PDE4A: variants seen among roughly 807,000 people sequenced by gnomAD.
The protein encoded by PDE4A is phosphodiesterase 4A, also known as 3',5'-cyclic-AMP phosphodiesterase 4A.
A neutral mutation model predicts 73.9 loss-of-function variants in PDE4A; 21 were observed. The ratio of observed to expected loss-of-function variants is 0.28; its 90% CI spans 0.20 to 0.41. PDE4A has a LOEUF of 0.41. PDE4A is among the 10% of genes least tolerant of loss of function. The pLI is 1.00. For synonymous variants in PDE4A, 463 were observed against 505.4 expected (o/e 0.92, Z 1.13); for missense variants, 958 against 1,211.4 (o/e 0.79, Z 3.10).
chr19:10,422,332 C>T (rs1021162541), intron 1 of PDE4A, among the ~76,000 whole-genome samples: 19 of 152,176 alleles, frequency 1.2e-4, no homozygotes, highest in African/African-American at 3.9e-4. Flanking sequence ...CAGGTGCTCA[C>T]GTCTGAGCGT....
At chr19:10,437,039 A>AAAAT (rs138679319) in intron 1 of PDE4A, among the ~76,000 whole-genome samples, 111 of 152,218 alleles carry the variant, frequency 7.3e-4, no homozygotes, top group East Asian at 4.2e-3. Context: ...CTCCATCTCA[A>AAAAT]AAATAAATAA....
At chr19:10,430,590 G>A (rs1374618077) in intron 1 of PDE4A, among the ~76,000 whole-genome samples, 1 of 152,030 alleles carries the variant, frequency 6.6e-6, no homozygotes, top group Admixed American at 6.5e-5. Flanking sequence ...TTGTGGGGAC[G>A]CGTCCGGCGA....
rs142025549 is a variant in PDE4A at position 10,457,970 on chromosome 19, G to A, written c.969G>A (p.Pro323=). Residue 323 remains proline, a synonymous_variant, in exon 8 of 15, where the codon CCG becomes CCA. Coordinates refer to ENST00000380702, the MANE Select transcript of PDE4A (RefSeq NM_001111307.2). Reference sequence around the variant, plus strand: ...GACCAAGACCCTCCCAGCCGCCCCCGCCCCCTGTACCACACTTACAGCCCA... The same window carrying A: ...GACCAAGACCCTCCCAGCCGCCCCCACCCCCTGTACCACACTTACAGCCCA... ...APRPRPSQPP[P]PPVPHLQPMS... The A allele has an allele frequency of 2.1e-5, 24 of 1,125,060 alleles. No individual in the cohort carries two copies. The highest frequency in any genetic ancestry group is 6.1e-5 in the African/African-American group (4 of 65,480). The allele number at this position is 1,125,060 out of a possible 1,614,324, so 69.7% of individuals were successfully genotyped here.
chr19:10,438,332 C>T (rs2042892953), intron 1 of PDE4A, among the ~76,000 whole-genome samples: 1 of 151,464 alleles, frequency 6.6e-6, no homozygotes, highest in African/African-American at 2.4e-5. Context: ...GGGATGGTCT[C>T]GCTCTCCTGA....
chr19:10,459,836 A>G lies in PDE4A; in HGVS notation c.1365+77A>G, dbSNP rs902011558. ...CTTCAGCCTCCTGTGTGTCTCTCTG[A>G]CCCTGTGTCTCTGACCTCCATCTCT... On this transcript the variant is annotated intron_variant, in intron 10 of 14. Transcript: ENST00000380702. 2.7e-6 allele frequency: 4 copies of G among 1,458,310 alleles called. No homozygotes were observed. In the African/African-American group the frequency reaches 5.7e-5, roughly 21 times the overall value. 90.3% of individuals were successfully genotyped at this position (1,458,310 alleles called of 1,614,324 possible).
intron 4 of PDE4A, among the ~76,000 whole-genome samples, 197 bp downstream of exon 4, chr19:10,449,347 G>GT (rs762280703): frequency 7.1e-6 from 1 of 141,776 alleles, no homozygotes; most frequent in Non-Finnish European, 1.5e-5. Context: ...TTGTTTGTTT[G>GT]TTTTTTGTTT....
At chr19:10,439,020 C>T (rs2145496814) in intron 1 of PDE4A, among the ~76,000 whole-genome samples, 1 of 152,318 alleles carries the variant, frequency 6.6e-6, no homozygotes, top group African/African-American at 2.4e-5. Context: ...ACGTCAGTCA[C>T]TTCTACCTTT....
intron 7 of PDE4A, among the ~76,000 whole-genome samples, chr19:10,455,379 G>A (rs2043154013): frequency 6.6e-6 from 1 of 151,200 alleles, no homozygotes; most frequent in African/African-American, 2.4e-5. Context: ...CAGGAGAATC[G>A]CTTGAACCCA....
intron 1 of PDE4A, among the ~76,000 whole-genome samples, chr19:10,427,082 A>C (rs2042727232): frequency 6.6e-6 from 1 of 151,884 alleles, no homozygotes; most frequent in Non-Finnish European, 1.5e-5. Context: ...CAGGTGGATC[A>C]CGAGGTCACG....
At chr19:10,427,126 T>C (rs1204297011) in intron 1 of PDE4A, among the ~76,000 whole-genome samples, 1 of 151,100 alleles carries the variant, frequency 6.6e-6, no homozygotes, top group Non-Finnish European at 1.5e-5. Context: ...ATGTTGAAAC[T>C]CCATCTCTAC....
intron 12 of PDE4A, 23 bp from the exon 13 acceptor site, chr19:10,461,854 C>T (rs747390388): frequency 2.5e-5 from 41 of 1,608,400 alleles, no homozygotes; most frequent in Non-Finnish European, 3.1e-5. Context: ...TCAGCGGCCC[C>T]AGTGACGCCC....
chr19:10,446,110 A>G lies in PDE4A; in HGVS notation c.321-108A>G, dbSNP rs909917174. 4 of 1,459,770 alleles carry G rather than the reference A, an allele frequency of 2.7e-6. No individual in the cohort carries two copies. In the East Asian group the frequency reaches 1.0e-4, roughly 37 times the overall value. 90.4% of individuals were successfully genotyped at this position (1,459,770 alleles called of 1,614,324 possible). A position where few individuals can be genotyped will look rare whatever the true frequency, so the allele number is the denominator to read the frequency against. The stretch of plus-strand genomic sequence containing the variant: ...CCACTTGGCCTCCCAAAGTGCTGGG[A>G]TTACAGGCATTACAGGCGTGAGCCA... On this transcript the variant is annotated intron_variant, in intron 1 of 14. Coordinates refer to ENST00000380702, the MANE Select transcript of PDE4A (RefSeq NM_001111307.2).
intron 6 of PDE4A, chr19:10,452,811 G>A (rs1365355314): frequency 4.2e-6 from 1 of 238,808 alleles, no homozygotes; most frequent in East Asian, 1.8e-4. Context: ...GTCCTGATGG[G>A]GACAGCCCAC....
Position 10,430,306 on chromosome 19 carries a change from G to A in PDE4A, c.320+9222G>A, listed in dbSNP as rs530657055. ...GCTTGTGGCATGTCCCAGAAACAGTGAGAATACTGCTAGGATTATGGGGGC... is the reference window on the plus strand; with the variant it reads ...GCTTGTGGCATGTCCCAGAAACAGTAAGAATACTGCTAGGATTATGGGGGC... On this transcript the variant is annotated intron_variant, in intron 1 of 14. Transcript: ENST00000380702. Among the ~76,000 whole-genome samples, 16 of 152,130 alleles carry A rather than the reference G, an allele frequency of 1.1e-4. No individual in the cohort carries two copies. The South Asian group carries it at 3.3e-3, about 32-fold the overall frequency.
At position 10,458,139 on chromosome 19, in the gene PDE4A, G is replaced by T. The variant is rs1365865423; in HGVS notation, c.1101+37G>T. The T allele has an allele frequency of 3.1e-6, 5 of 1,596,408 alleles. No individual in the cohort carries two copies. In the African/African-American group the frequency reaches 5.4e-5, roughly 17 times the overall value. ...CTCAGTAGGGGCAGGGCTGGAGGGG[G>T]TGGTCTCCTGGGACCCTGAGAAGGA... On this transcript the variant is annotated intron_variant, in intron 8 of 14. Coordinates refer to ENST00000380702, the MANE Select transcript of PDE4A (RefSeq NM_001111307.2). The surrounding 1 kb of genome is among the most constrained non-coding windows in gnomAD (Gnocchi z 4.6).
chr19:10,453,287 C>G lies in PDE4A; in HGVS notation c.784-1542C>G, dbSNP rs573569410. On this transcript the variant is annotated intron_variant, in intron 6 of 14. Transcript: ENST00000380702. The surrounding 1 kb of genome is among the most constrained non-coding windows in gnomAD (Gnocchi z 4.6). ...AGATGCCCTTGGTGGATTTCTTCTG[C>G]GAGACCTGCTCTAAGCCTTGGCTGG... The G allele has an allele frequency of 6.2e-7, 1 of 1,613,314 alleles. No homozygotes were observed. The highest frequency in any genetic ancestry group is 1.7e-4 in the Middle Eastern group (1 of 6,050).
intron 13 of PDE4A, 49 bp from the exon 14 acceptor site, chr19:10,463,744 G>A: frequency 6.2e-7 from 1 of 1,602,624 alleles, no homozygotes; most frequent in Non-Finnish European, 8.5e-7. Context: ...CTCAGACTGG[G>A]ACACAGGCAT....
At chr19:10,456,445 C>T (rs1360059411) in intron 7 of PDE4A, among the ~76,000 whole-genome samples, 1 of 151,638 alleles carries the variant, frequency 6.6e-6, no homozygotes, top group Non-Finnish European at 1.5e-5. Flanking sequence ...AGAATTGCTT[C>T]AACCTGGGAG....
intron 4 of PDE4A, 122 bp from the exon 5 acceptor site, chr19:10,450,481 G>A: frequency 1.4e-6 from 2 of 1,458,706 alleles, no homozygotes; most frequent in Middle Eastern, 1.8e-4. Context: ...ACATGGCAGC[G>A]TCCTTAGGAC....
Sources: gnomAD v4.1 joint callset for allele counts (sites outside exome capture counted in the v4.1 genomes callset) on GRCh38, gnomAD v4.1.1 for gene constraint, Gnocchi (gnomAD v3.1) non-coding constraint, MANE v1.5 for transcripts, NCBI Gene and HGNC (gene_info 2026-07-23, HGNC 2026-07-21) for gene names.